The following SEL1L2 variants were observed in gnomAD, a reference collection of about 807,000 sequenced individuals.
SEL1L2 encodes SEL1L2 adaptor subunit of SYVN1 ubiquitin ligase.
Under a neutral mutation model 98.8 loss-of-function variants are expected in SEL1L2, and 89 were observed. That is an observed-to-expected ratio of 0.90 (90% CI 0.76 to 1.07). SEL1L2 has a LOEUF of 1.07. SEL1L2 is among the 50% of genes least tolerant of loss of function. SEL1L2 has a pLI of 0.00. For synonymous variants in SEL1L2, 262 were observed against 278.5 expected, an observed-to-expected ratio of 0.94 and a Z score of 0.59; for missense variants, 788 against 812.0, an observed-to-expected ratio of 0.97 and a Z score of 0.36.
At chr20:13,944,700 T>C (rs549873491) in intron 2 of SEL1L2, among the ~76,000 whole-genome samples, 10 of 152,322 alleles carry the variant, frequency 6.6e-5, no homozygotes, top group African/African-American at 1.7e-4. Context: ...GGTAGGTTGA[T>C]AGAGTTGATG....
rs936042941 is a variant in SEL1L2 at position 13,926,117 on chromosome 20, G to A, written c.283+5486C>T. Among the ~76,000 whole-genome samples, 4 of 152,162 alleles carry A rather than the reference G, an allele frequency of 2.6e-5. No homozygotes were observed. In the East Asian group the frequency reaches 5.8e-4, roughly 22 times the overall value. ...GCGAATCACGAGGTCAGGAGATTGA[G>A]ACCATCCTGGCTAGTACGGTGAAAC... On this transcript the variant is annotated intron_variant, in intron 3 of 19. Coordinates refer to ENST00000284951, the MANE Select transcript of SEL1L2 (RefSeq NM_025229.2).
chr20:13,888,309 G>A, intron 6 of SEL1L2, 150 bp downstream of exon 6: 1 of 654,468 alleles, frequency 1.5e-6, no homozygotes, highest in Non-Finnish European at 2.7e-6. Flanking sequence ...AGAAACTTAT[G>A]GCATAAGAAC....
At chr20:13,900,223 A>G (rs561124773) in intron 5 of SEL1L2, among the ~76,000 whole-genome samples, 1 of 152,142 alleles carries the variant, frequency 6.6e-6, no homozygotes, top group Non-Finnish European at 1.5e-5. Context: ...ACTGATTTAT[A>G]TTTTCTGGAA....
intron 2 of SEL1L2, among the ~76,000 whole-genome samples, chr20:13,948,177 C>A (rs2050103010): frequency 6.6e-6 from 1 of 151,878 alleles, no homozygotes; most frequent in Non-Finnish European, 1.5e-5. Context: ...TCTAAGATGT[C>A]AATACTATCC....
intron 13 of SEL1L2, among the ~76,000 whole-genome samples, 154 bp downstream of exon 13, chr20:13,869,986 CA>C (rs2046106424): frequency 6.6e-6 from 1 of 152,142 alleles, no homozygotes; most frequent in Admixed American, 6.5e-5. Flanking sequence ...GTCTCTTTGG[CA>C]GAGATTTCAC....
intron 4 of SEL1L2, among the ~76,000 whole-genome samples, chr20:13,916,966 T>C (rs1265480727): frequency 2.0e-5 from 3 of 152,146 alleles, no homozygotes; most frequent in East Asian, 3.9e-4. Context: ...TTTCTCCCTG[T>C]TCTTTAGGCC....
At chr20:13,864,249 G>A (rs544613726) in intron 17 of SEL1L2, among the ~76,000 whole-genome samples, 4 of 152,252 alleles carry the variant, frequency 2.6e-5, no homozygotes, top group African/African-American at 7.2e-5. Flanking sequence ...CTGTGCTACC[G>A]GCTCAGCTGG....
intron 5 of SEL1L2, among the ~76,000 whole-genome samples, chr20:13,905,895 A>ACAGAGTT (rs1400406952): frequency 2.3e-5 from 3 of 131,972 alleles, no homozygotes; most frequent in Non-Finnish European, 4.7e-5. Context: ...TTTTTTTGAG[A>ACAGAGTT]CAGAGTTTCA....
intron 6 of SEL1L2, 111 bp downstream of exon 6, chr20:13,888,348 G>A: frequency 4.0e-6 from 3 of 747,008 alleles, no homozygotes; most frequent in Middle Eastern, 3.1e-4. Flanking sequence ...TTAAGTTGGT[G>A]TTTTCAACTA....
At chr20:13,913,121 G>C (rs1338533780) in intron 5 of SEL1L2, among the ~76,000 whole-genome samples, 1 of 152,166 alleles carries the variant, frequency 6.6e-6, no homozygotes, top group Non-Finnish European at 1.5e-5. Flanking sequence ...AAAGCTTTTA[G>C]AAAACTTTAC....
At chr20:13,943,002 CA>C (rs1407106417) in intron 2 of SEL1L2, among the ~76,000 whole-genome samples, 3 of 151,896 alleles carry the variant, frequency 2.0e-5, no homozygotes, top group Admixed American at 6.6e-5. Flanking sequence ...TTTTTTAAAA[CA>C]AAGCAAATAT....
intron 3 of SEL1L2, among the ~76,000 whole-genome samples, chr20:13,925,737 T>C (rs1246225806): frequency 4.6e-5 from 7 of 152,224 alleles, no homozygotes; most frequent in African/African-American, 1.7e-4. Context: ...CATTTGAGGA[T>C]TTCAGCTCCT....
chr20:13,994,165 G>A (rs150025322), upstream of SEL1L2, among the ~76,000 whole-genome samples: 2,062 of 151,734 alleles, frequency 0.014, 56 homozygotes, highest in African/African-American at 0.047. Context: ...GCATGGTGGC[G>A]CATGCCTGTA....
intron 4 of SEL1L2, among the ~76,000 whole-genome samples, chr20:13,917,798 T>C (rs1217352794): frequency 4.0e-5 from 5 of 123,950 alleles, no homozygotes; most frequent in South Asian, 5.6e-4. Context: ...TTTTTTTTTT[T>C]TTTTTTTTTT....
intron 3 of SEL1L2, among the ~76,000 whole-genome samples, chr20:13,931,278 C>T (rs2049132617): frequency 6.6e-6 from 1 of 151,924 alleles, no homozygotes; most frequent in Non-Finnish European, 1.5e-5. Flanking sequence ...GATCTGCCCT[C>T]CCCAGCCTCC....
intron 1 of SEL1L2, among the ~76,000 whole-genome samples, chr20:13,987,533 A>G (rs2052283517): frequency 6.6e-6 from 1 of 151,688 alleles, no homozygotes; most frequent in African/African-American, 2.4e-5. Flanking sequence ...TTTAGTAGAG[A>G]CAGGGTTTCA....
At chr20:13,932,400 C>T (rs1333256230) in intron 2 of SEL1L2, among the ~76,000 whole-genome samples, 1 of 123,080 alleles carries the variant, frequency 8.1e-6, no homozygotes, top group Non-Finnish European at 1.6e-5. Flanking sequence ...AAAATTTTTC[C>T]TTTGTCAATT....
rs546270000 is a variant in SEL1L2 at position 13,872,974 on chromosome 20, G to A, written c.1105-2771C>T. On this transcript the variant is annotated intron_variant, in intron 12 of 19. Coordinates refer to ENST00000284951, the MANE Select transcript of SEL1L2 (RefSeq NM_025229.2). ...GGAATGGCAGTCCTGTTTCATCAGC[G>A]TTTGCCATTTTCTTTTTTCTTTTTT... Among the ~76,000 whole-genome samples, 81 of 151,748 alleles carry A rather than the reference G, an allele frequency of 5.3e-4. No homozygotes were observed. In the Middle Eastern group the frequency reaches 0.01, roughly 19 times the overall value.
Position 13,956,530 on chromosome 20 carries a change from T to C in SEL1L2, c.59-399A>G, listed in dbSNP as rs986809871. On this transcript the variant is annotated intron_variant, in intron 1 of 19. Coordinates refer to ENST00000284951, the MANE Select transcript of SEL1L2 (RefSeq NM_025229.2). ...AAAACATAGAAGAGGAAATATAACA[T>C]TTTATATTTTTATAGACTCATCCAT... Among the ~76,000 whole-genome samples, 6 of 152,234 alleles carry C rather than the reference T, an allele frequency of 3.9e-5. No homozygotes were observed. In the East Asian group the frequency reaches 1.2e-3, roughly 29 times the overall value.
Sources: gnomAD v4.1 joint callset for allele counts (sites outside exome capture counted in the v4.1 genomes callset) on GRCh38, gnomAD v4.1.1 for gene constraint, MANE v1.5 for transcripts, NCBI Gene and HGNC (gene_info 2026-07-23, HGNC 2026-07-21) for gene names.